DECR1: variants seen among roughly 807,000 people sequenced by gnomAD.
The protein encoded by DECR1 is 2,4-dienoyl-CoA reductase 1.
A neutral mutation model predicts 38.8 loss-of-function variants in DECR1; 44 were observed. The observed-to-expected ratio is 1.13, with a 90% CI of 0.89 to 1.46. DECR1 has a LOEUF of 1.46. Among genes scored for constraint, DECR1 ranks in the 40% most tolerant of loss-of-function variants. The pLI is 0.00. For synonymous variants in DECR1, 148 were observed against 135.2 expected (o/e 1.09, Z -0.66); for missense variants, 428 against 405.5 (o/e 1.06, Z -0.48).
chr8:90,019,028 T>C, intron 3 of DECR1, 58 bp from the exon 4 acceptor site: 1 of 1,583,550 alleles, frequency 6.3e-7, no homozygotes, highest in South Asian at 1.1e-5. Flanking sequence ...AAATAATTTG[T>C]TCATGCGTTT....
chr8:90,036,817 A>G (rs201812251), intron 5 of DECR1, 24 bp from the exon 6 acceptor site: 1 of 1,494,186 alleles, frequency 6.7e-7, no homozygotes, highest in East Asian at 2.3e-5. Flanking sequence ...ATTGCTAATC[A>G]ACTGTATCCT....
At chr8:90,005,100 A>G (rs890715106) in intron 1 of DECR1, among the ~76,000 whole-genome samples, 1 of 152,180 alleles carries the variant, frequency 6.6e-6, no homozygotes, top group Non-Finnish European at 1.5e-5. Context: ...AGACCTAAGG[A>G]ATAGCATGTA....
At chr8:90,018,478 TG>T (rs1813064361) in intron 2 of DECR1, 1 of 152,694 alleles carries the variant, frequency 6.5e-6, no homozygotes, top group African/African-American at 2.4e-5. Context: ...TACATTGTAA[TG>T]TTTTTAAGAG....
At chr8:90,036,589 T>C (rs1813620987) in intron 5 of DECR1, among the ~76,000 whole-genome samples, 1 of 152,138 alleles carries the variant, frequency 6.6e-6, no homozygotes, top group African/African-American at 2.4e-5. Flanking sequence ...GATTTGGGCT[T>C]TCGTATTGAC....
intron 1 of DECR1, among the ~76,000 whole-genome samples, chr8:90,015,132 G>A (rs1425868448): frequency 1.3e-5 from 2 of 151,464 alleles, no homozygotes. Flanking sequence ...GGATAGATTT[G>A]GAAAGTACTA....
chr8:90,022,895 G>T lies in DECR1; in HGVS notation c.565+1839G>T, dbSNP rs547902940. Reference sequence around the variant, plus strand: ...TGATCTATTTTTGTTCATCACATTGGATTAAAATTCTATGAGCTTCATTAA... The same window carrying T: ...TGATCTATTTTTGTTCATCACATTGTATTAAAATTCTATGAGCTTCATTAA... On this transcript the variant is annotated intron_variant, in intron 5 of 9. Coordinates refer to ENST00000220764, the MANE Select transcript of DECR1 (RefSeq NM_001359.2). Among the ~76,000 whole-genome samples the T allele has an allele frequency of 4.6e-5, 7 of 151,934 alleles. No individual in the cohort carries two copies. The South Asian group carries it at 1.5e-3, about 32-fold the overall frequency.
At chr8:90,034,873 A>G (rs1813581464) in intron 5 of DECR1, among the ~76,000 whole-genome samples, 1 of 152,176 alleles carries the variant, frequency 6.6e-6, no homozygotes, top group Non-Finnish European at 1.5e-5. Context: ...AGAAAACAAG[A>G]AAAAATATTT....
intron 1 of DECR1, among the ~76,000 whole-genome samples, chr8:90,012,150 T>C (rs1467193380): frequency 6.6e-6 from 1 of 151,770 alleles, no homozygotes; most frequent in Non-Finnish European, 1.5e-5. Context: ...GATTTTCTTT[T>C]CTTTTCTTTT....
At chr8:90,006,327 A>T (rs1406630585) in intron 1 of DECR1, 1 of 703,988 alleles carries the variant, frequency 1.4e-6, no homozygotes, top group Non-Finnish European at 2.6e-6. Context: ...ATCAAAGCTG[A>T]GACCTGAAAG....
At chr8:90,037,449 T>C (rs1442468681) in intron 6 of DECR1, among the ~76,000 whole-genome samples, 2 of 126,868 alleles carry the variant, frequency 1.6e-5, no homozygotes, top group Non-Finnish European at 3.4e-5. Context: ...GTATAACTGC[T>C]TTTTTTTTTT....
At chr8:90,042,471 G>A in intron 6 of DECR1, 1 of 483,144 alleles carries the variant, frequency 2.1e-6, no homozygotes, top group Admixed American at 3.5e-5. Context: ...AGGTTAGGTT[G>A]TACAGTAGAG....
chr8:90,019,530 G>A (rs544900464), intron 4 of DECR1, among the ~76,000 whole-genome samples: 1 of 152,228 alleles, frequency 6.6e-6, no homozygotes, highest in Non-Finnish European at 1.5e-5. Flanking sequence ...GAAATTTCTA[G>A]AAAAGGGTTG....
At chr8:90,011,338 A>G (rs1034277825) in intron 1 of DECR1, among the ~76,000 whole-genome samples, 1 of 152,314 alleles carries the variant, frequency 6.6e-6, no homozygotes, top group South Asian at 2.1e-4. Context: ...ATGTGCTCTA[A>G]TTCATTGGCT....
intron 1 of DECR1, among the ~76,000 whole-genome samples, chr8:90,004,823 G>A (rs1482412376): frequency 1.3e-5 from 2 of 152,184 alleles, no homozygotes; most frequent in African/African-American, 4.8e-5. Context: ...ATGAACGTGT[G>A]TACTGTGTTG....
intron 5 of DECR1, among the ~76,000 whole-genome samples, chr8:90,036,165 C>T (rs890329986): frequency 1.3e-5 from 2 of 152,178 alleles, no homozygotes; most frequent in African/African-American, 4.8e-5. Context: ...TCTCTGCCTA[C>T]TTTCCTCCTT....
At chr8:90,019,282 C>T (rs996363161) in intron 4 of DECR1, 110 bp downstream of exon 4, 14 of 867,402 alleles carry the variant, frequency 1.6e-5, no homozygotes, top group South Asian at 3.2e-5. Context: ...CAGGCAAGCC[C>T]GAATCTGGGG....
chr8:90,045,741 G>A (rs1813882128), intron 8 of DECR1, among the ~76,000 whole-genome samples: 1 of 152,184 alleles, frequency 6.6e-6, no homozygotes, highest in African/African-American at 2.4e-5. Flanking sequence ...CCCCTCAACT[G>A]GGCCCTTGAC....
At chr8:90,047,547 A>T (rs1471350365) in intron 8 of DECR1, among the ~76,000 whole-genome samples, 2 of 152,156 alleles carry the variant, frequency 1.3e-5, no homozygotes, top group African/African-American at 2.4e-5. Context: ...GTCCTTAGAG[A>T]CCTACAAAGA....
At chr8:90,015,953 A>C (rs902479132) in intron 1 of DECR1, among the ~76,000 whole-genome samples, 41 of 152,306 alleles carry the variant, frequency 2.7e-4, no homozygotes, top group African/African-American at 7.9e-4. Flanking sequence ...AAATAGTTTG[A>C]TATGTAATCC....
Sources: gnomAD v4.1 joint callset for allele counts (sites outside exome capture counted in the v4.1 genomes callset) on GRCh38, gnomAD v4.1.1 for gene constraint, MANE v1.5 for transcripts, NCBI Gene and HGNC (gene_info 2026-07-23, HGNC 2026-07-21) for gene names.